KHDRBS3: variants seen among roughly 807,000 people sequenced by gnomAD.
KHDRBS3 encodes KH RNA binding domain containing, signal transduction associated 3.
Under a neutral mutation model 45.6 loss-of-function variants are expected in KHDRBS3, and 23 were observed. The observed-to-expected ratio is 0.50, with a 90% CI of 0.36 to 0.72. The LOEUF is 0.72. Among genes scored for constraint, KHDRBS3 ranks in the 30% least tolerant of loss-of-function variants. KHDRBS3 has a pLI of 0.00. For synonymous variants in KHDRBS3, 162 were observed against 156.5 expected (o/e 1.04, Z -0.26); for missense variants, 352 against 424.8 (o/e 0.83, Z 1.51).
At chr8:135,615,575 A>G (rs150644163) in intron 7 of KHDRBS3, among the ~76,000 whole-genome samples, 8 of 152,278 alleles carry the variant, frequency 5.3e-5, no homozygotes, top group African/African-American at 1.9e-4. Context: ...ACGTCTCACA[A>G]TGTGATTTCA....
At chr8:135,488,753 A>G (rs1378776237) in intron 1 of KHDRBS3, among the ~76,000 whole-genome samples, 3 of 152,244 alleles carry the variant, frequency 2.0e-5, no homozygotes, top group African/African-American at 7.2e-5. Flanking sequence ...TGCAGCTACT[A>G]AACAGCATCC....
At chr8:135,616,830 C>T (rs186021766) in intron 7 of KHDRBS3, among the ~76,000 whole-genome samples, 17 of 152,168 alleles carry the variant, frequency 1.1e-4, no homozygotes, top group African/African-American at 2.4e-4. Flanking sequence ...TTTCATTCCT[C>T]GTGTTTCATA....
intron 1 of KHDRBS3, among the ~76,000 whole-genome samples, chr8:135,499,993 A>G (rs935107775): frequency 1.3e-5 from 2 of 152,236 alleles, no homozygotes; most frequent in African/African-American, 4.8e-5. Context: ...TTGCAAGTTT[A>G]TAGGAGTTAA....
intron 7 of KHDRBS3, among the ~76,000 whole-genome samples, chr8:135,641,267 G>A (rs574328084): frequency 1.1e-4 from 17 of 152,272 alleles, no homozygotes; most frequent in African/African-American, 4.1e-4. Flanking sequence ...TAATAAAGGA[G>A]GTTTAGTTTG....
chr8:135,532,693 G>A (rs1291285572), intron 2 of KHDRBS3, among the ~76,000 whole-genome samples: 1 of 152,152 alleles, frequency 6.6e-6, no homozygotes, highest in Non-Finnish European at 1.5e-5. Context: ...GAACAGAGAA[G>A]TTGAGTAACT....
chr8:135,505,752 C>G lies in KHDRBS3; in HGVS notation c.89-15485C>G, dbSNP rs140400966. ...TTACCTCAGGAGCTTGAAGAGGGTC[C>G]TCACAGGGCTGGGACTCAGACCTCC... On this transcript the variant is annotated intron_variant, in intron 1 of 8. Coordinates refer to ENST00000355849, the MANE Select transcript of KHDRBS3 (RefSeq NM_006558.3). Among the ~76,000 whole-genome samples the G allele has an allele frequency of 6.6e-5, 10 of 152,100 alleles. No homozygotes were observed. The East Asian group carries it at 1.7e-3, about 27-fold the overall frequency.
At chr8:135,485,834 T>A (rs567027920) in intron 1 of KHDRBS3, among the ~76,000 whole-genome samples, 79 of 105,330 alleles carry the variant, frequency 7.5e-4, no homozygotes, top group African/African-American at 3.9e-3. Context: ...TTGATTGGCA[T>A]TTCAAGTTTA....
chr8:135,591,645 T>C (rs762457750), intron 6 of KHDRBS3, among the ~76,000 whole-genome samples: 9 of 152,200 alleles, frequency 5.9e-5, no homozygotes, highest in Admixed American at 2.0e-4. Flanking sequence ...TCTTCTGAAA[T>C]TTTGATGACT....
At chr8:135,570,242 A>G (rs562019698) in intron 5 of KHDRBS3, among the ~76,000 whole-genome samples, 1 of 152,330 alleles carries the variant, frequency 6.6e-6, no homozygotes, top group African/African-American at 2.4e-5. Context: ...CATTAAAAAA[A>G]ATCTTTATTT....
At chr8:135,574,412 A>G (rs1336011103) in intron 5 of KHDRBS3, among the ~76,000 whole-genome samples, 1 of 152,232 alleles carries the variant, frequency 6.6e-6, no homozygotes, top group Non-Finnish European at 1.5e-5. Flanking sequence ...CTTGTCTAAA[A>G]TTGCATAGCA....
intron 1 of KHDRBS3, among the ~76,000 whole-genome samples, chr8:135,465,810 C>G (rs546208065): frequency 1.3e-5 from 2 of 152,236 alleles, no homozygotes; most frequent in African/African-American, 4.8e-5. Flanking sequence ...GTGCTCCTAG[C>G]ATATTATTGA....
At chr8:135,524,836 A>T (rs1825099541) in intron 2 of KHDRBS3, among the ~76,000 whole-genome samples, 1 of 152,126 alleles carries the variant, frequency 6.6e-6, no homozygotes, top group Non-Finnish European at 1.5e-5. Flanking sequence ...CTGTTTCAGA[A>T]TTTACATTTG....
At chr8:135,625,528 AG>A in intron 7 of KHDRBS3, 1 of 839,464 alleles carries the variant, frequency 1.2e-6, no homozygotes, top group Non-Finnish European at 2.1e-6. Flanking sequence ...TAGAACTGAG[AG>A]GTTTCTTGGG....
At chr8:135,641,234 T>C (rs1480480993) in intron 7 of KHDRBS3, among the ~76,000 whole-genome samples, 1 of 152,222 alleles carries the variant, frequency 6.6e-6, no homozygotes, top group Non-Finnish European at 1.5e-5. Flanking sequence ...TCTATGCTCA[T>C]GTTCATCACT....
At chr8:135,649,080 A>G (rs1831377665), downstream of KHDRBS3, among the ~76,000 whole-genome samples, 1 of 152,218 alleles carries the variant, frequency 6.6e-6, no homozygotes, top group African/African-American at 2.4e-5. Context: ...GAAACAAATG[A>G]TAAGTATTAT....
At chr8:135,598,355 A>G (rs747516971) in intron 6 of KHDRBS3, among the ~76,000 whole-genome samples, 14 of 152,214 alleles carry the variant, frequency 9.2e-5, no homozygotes, top group Non-Finnish European at 1.9e-4. Flanking sequence ...ACCACTGGTA[A>G]CAACCAGGAG....
intron 2 of KHDRBS3, among the ~76,000 whole-genome samples, chr8:135,535,977 G>A (rs1401430924): frequency 6.6e-6 from 1 of 152,126 alleles, no homozygotes; most frequent in African/African-American, 2.4e-5. Flanking sequence ...CTCCCCAGGG[G>A]AAGTGGTTTC....
rs973616682 is a variant in KHDRBS3, at chr8:135,537,340, C to T, written c.208-5314C>T. ...GTTATGGGAAACCTTTTAATGGAGA[C>T]CGTGACAGGTTCTTGAGATTTAGTT... On this transcript the variant is annotated intron_variant, in intron 2 of 8. Coordinates refer to ENST00000355849, the MANE Select transcript of KHDRBS3 (RefSeq NM_006558.3). 5.9e-5 allele frequency among the ~76,000 whole-genome samples: 9 copies of T among 152,264 alleles called. No homozygotes were observed. The South Asian group carries it at 1.7e-3, about 28-fold the overall frequency.
intron 1 of KHDRBS3, among the ~76,000 whole-genome samples, chr8:135,483,099 C>G (rs1215388252): frequency 1.3e-5 from 2 of 152,122 alleles, no homozygotes; most frequent in Non-Finnish European, 2.9e-5. Context: ...TCTCCACCCC[C>G]CAACCCTGTA....
Sources: gnomAD v4.1 joint callset for allele counts (sites outside exome capture counted in the v4.1 genomes callset) on GRCh38, gnomAD v4.1.1 for gene constraint, MANE v1.5 for transcripts, NCBI Gene and HGNC (gene_info 2026-07-23, HGNC 2026-07-21) for gene names.